The following HMCN1 variants were observed in gnomAD, a reference collection of about 807,000 sequenced individuals.
HMCN1 encodes hemicentin 1.
In HMCN1, 321 loss-of-function variants were observed where a neutral mutation model predicts 625.9. The observed-to-expected ratio is 0.51, with a 90% confidence interval of 0.47 to 0.56. The LOEUF is 0.56. HMCN1 is among the 20% of genes least tolerant of loss of function. The pLI is 0.00. For missense variants in HMCN1, 6,588 were observed against 6,887.3 expected, an observed-to-expected ratio of 0.96 and a Z score of 1.54; for synonymous variants, 2,425 against 2,417.6, an observed-to-expected ratio of 1.00 and a Z score of -0.09.
In HMCN1 at chr1:186,114,905, C is replaced by T; in HGVS notation, c.11363C>T (p.Ala3788Val). ...TGRYLCMATN[A>V]AGTDRRRIDL... ...CGGTATTTGTGTATGGCCACCAATGCTGCTGGAACAGATCGCAGGCGAATA... is the reference window on the plus strand; with the variant it reads ...CGGTATTTGTGTATGGCCACCAATGTTGCTGGAACAGATCGCAGGCGAATA... The change falls in exon 74 of 107, where the codon GCT (alanine) becomes GTT (valine). Residue 3788 changes from alanine (A) to valine (V), a missense_variant. Ala to Val is a moderately conservative substitution (Grantham distance 64). Coordinates refer to ENST00000271588, the MANE Select transcript of HMCN1 (RefSeq NM_031935.3). 1 of 1,614,140 alleles carries T rather than the reference C, an allele frequency of 6.2e-7. No individual in the cohort carries two copies. Among genetic ancestry groups the T allele is most frequent in the Non-Finnish European group, 8.5e-7 (1 of 1,179,994 alleles).
In HMCN1 at chr1:186,086,346, C is replaced by A; in HGVS notation, c.8985C>A (p.Asp2995Glu). The A allele has an allele frequency of 6.2e-7, 1 of 1,613,358 alleles. No homozygotes were observed. Among genetic ancestry groups the A allele is most frequent in the Non-Finnish European group, 8.5e-7 (1 of 1,179,554 alleles). The part of the protein sequence containing the change: ...TCEVSGFPPP[D>E]LSWLKNEQPI... ...AGGTCTCTGGTTTTCCACCTCCTGACCTCAGCTGGCTCAAGAATGAACAGC... is the reference window on the plus strand; with the variant it reads ...AGGTCTCTGGTTTTCCACCTCCTGAACTCAGCTGGCTCAAGAATGAACAGC... The change falls in exon 58 of 107, where the codon GAC becomes GAA. Residue 2995 changes from aspartate (D) to glutamate (E), a missense_variant. Transcript: ENST00000271588.
At chr1:185,937,706 C>G (rs1366732713) in intron 11 of HMCN1, among the ~76,000 whole-genome samples, 2 of 151,748 alleles carry the variant, frequency 1.3e-5, no homozygotes, top group Non-Finnish European at 2.9e-5. Context: ...ATGGTGAAAC[C>G]CTATCTCAAC....
At chr1:185,938,603 G>A (rs1042201871) in intron 11 of HMCN1, among the ~76,000 whole-genome samples, 1 of 151,968 alleles carries the variant, frequency 6.6e-6, no homozygotes, top group African/African-American at 2.4e-5. Flanking sequence ...CTCCCAGTGG[G>A]ACTTGGACTC....
At chr1:186,043,136 C>G (rs553664147) in intron 40 of HMCN1, among the ~76,000 whole-genome samples, 23 of 152,170 alleles carry the variant, frequency 1.5e-4, no homozygotes, top group Non-Finnish European at 2.9e-4. Flanking sequence ...GCAACGACAA[C>G]CCTATGGCAA....
chr1:185,858,561 GCC>G (rs1198635789), intron 2 of HMCN1, among the ~76,000 whole-genome samples: 14 of 43,236 alleles, frequency 3.2e-4, no homozygotes, highest in African/African-American at 2.2e-3. Context: ...CCAGCTATAT[GCC>G]TATATGCCAC....
intron 29 of HMCN1, among the ~76,000 whole-genome samples, chr1:186,005,715 G>T (rs1235606815): frequency 6.6e-6 from 1 of 152,054 alleles, no homozygotes; most frequent in Non-Finnish European, 1.5e-5. Context: ...ACAGACCAAG[G>T]ATACTTTTTC....
chr1:185,877,719 G>A (rs925599145), intron 4 of HMCN1, among the ~76,000 whole-genome samples: 1 of 151,688 alleles, frequency 6.6e-6, no homozygotes, highest in Non-Finnish European at 1.5e-5. Context: ...TACTCTTTTT[G>A]TATGGCTATT....
chr1:185,776,227 C>T (rs1463454810), intron 1 of HMCN1, among the ~76,000 whole-genome samples: 4 of 151,780 alleles, frequency 2.6e-5, no homozygotes, highest in African/African-American at 9.7e-5. Context: ...TTTTTATGAA[C>T]CTTTAAATTG....
rs1463840674 is a variant in HMCN1 at position 186,126,777 on chromosome 1, G to A, written c.12690+983G>A. ...AGGCCAAATCATGTCGGGTCTTACA[G>A]GTCATTGTAACAATTTTACCTTTTA... On this transcript the variant is annotated intron_variant, in intron 82 of 106. Transcript: ENST00000271588. Among the ~76,000 whole-genome samples, 10 of 152,168 alleles carry A rather than the reference G, an allele frequency of 6.6e-5. 1 individual carries two copies. The South Asian group carries it at 1.9e-3, about 28-fold the overall frequency.
At chr1:185,759,023 C>T (rs16824427) in intron 1 of HMCN1, among the ~76,000 whole-genome samples, 7,248 of 152,220 alleles carry the variant, frequency 0.048, 486 homozygotes, top group African/African-American at 0.16. Context: ...AGAAATACTA[C>T]TGAAGGTGAT....
intron 48 of HMCN1, 126 bp from the exon 49 acceptor site, chr1:186,065,112 A>G (rs1658021445): frequency 4.5e-6 from 3 of 669,356 alleles, no homozygotes; most frequent in South Asian, 3.6e-5. Flanking sequence ...TTTTAAATGA[A>G]TGATTACTGC....
At chr1:186,003,278 T>C (rs1011595111) in intron 28 of HMCN1, among the ~76,000 whole-genome samples, 1 of 152,140 alleles carries the variant, frequency 6.6e-6, no homozygotes, top group African/African-American at 2.4e-5. Flanking sequence ...AAATTTACCA[T>C]CTTAGTTGTT....
intron 15 of HMCN1, among the ~76,000 whole-genome samples, chr1:185,973,859 C>T (rs1057183656): frequency 6.6e-5 from 10 of 152,188 alleles, no homozygotes; most frequent in Admixed American, 1.3e-4. Context: ...GGGTTTGAGA[C>T]TTAGACTGTG....
chr1:185,883,145 T>C (rs550502399), intron 4 of HMCN1, among the ~76,000 whole-genome samples: 6 of 152,212 alleles, frequency 3.9e-5, no homozygotes, highest in African/African-American at 1.4e-4. Flanking sequence ...TGTTTGTGTG[T>C]CTTTCACTTC....
chr1:185,923,513 A>G lies in HMCN1; in HGVS notation c.1145A>G (p.His382Arg), dbSNP rs1358956995. Residue 382 changes from histidine (H) to arginine (R), a missense_variant, in exon 8 of 107, where the codon CAT becomes CGT. By Grantham distance (29) the His-to-Arg change is conservative. This residue lies in a region of HMCN1 where 4,628 missense variants were observed against 4,853.1 expected (regional missense o/e 0.95). Coordinates refer to ENST00000271588, the MANE Select transcript of HMCN1 (RefSeq NM_031935.3). The part of the protein sequence containing the change: ...LKTIPVKYYP[H>R]RKPYGIWNIS... The stretch of plus-strand genomic sequence containing the variant: ...ACTATTCCTGTTAAATATTACCCAC[A>G]TCGAAAACCTTATGGCATATGGAAT... The G allele has an allele frequency of 1.2e-6, 2 of 1,612,616 alleles. No homozygotes were observed. Among genetic ancestry groups the G allele is most frequent in the Non-Finnish European group, 1.7e-6 (2 of 1,179,028 alleles).
At chr1:185,862,484 G>A (rs2102351577) in intron 2 of HMCN1, among the ~76,000 whole-genome samples, 1 of 152,236 alleles carries the variant, frequency 6.6e-6, no homozygotes. Flanking sequence ...AGATAGCACG[G>A]TTAACAAAAA....
At chr1:186,079,413 T>C (rs1659033543) in intron 55 of HMCN1, among the ~76,000 whole-genome samples, 1 of 152,208 alleles carries the variant, frequency 6.6e-6, no homozygotes, top group Admixed American at 6.5e-5. Flanking sequence ...CAAGCCATGC[T>C]ATGCCATGCC....
intron 1 of HMCN1, among the ~76,000 whole-genome samples, chr1:185,821,083 G>A (rs937363510): frequency 6.6e-6 from 1 of 151,780 alleles, no homozygotes; most frequent in African/African-American, 2.4e-5. Context: ...GTCACAGGAT[G>A]TACTATTGCT....
chr1:186,115,496 G>A (rs1305265663), intron 75 of HMCN1, 82 bp downstream of exon 75: 2 of 1,277,806 alleles, frequency 1.6e-6, no homozygotes, highest in Non-Finnish European at 2.2e-6. Context: ...AGTGGGGTCA[G>A]CAAATATATA....
Sources: gnomAD v4.1 joint callset for allele counts (sites outside exome capture counted in the v4.1 genomes callset) on GRCh38, gnomAD v4.1.1 for gene constraint, gnomAD v4.1.1 regional missense constraint, MANE v1.5 for transcripts, NCBI Gene and HGNC (gene_info 2026-07-23, HGNC 2026-07-21) for gene names.